LRRC37A2: variants seen among roughly 807,000 people sequenced by gnomAD.
LRRC37A2 encodes leucine rich repeat containing 37 member A2, also known as leucine-rich repeat-containing protein 37A2.
A neutral mutation model predicts 68.8 loss-of-function variants in LRRC37A2; 9 were observed. The observed-to-expected ratio is 0.13, with a 90% CI of 0.08 to 0.23. LRRC37A2 has a LOEUF of 0.23. Ranked by LOEUF, LRRC37A2 falls within the 10% of genes least tolerant of loss-of-function variation. The pLI is 1.00. For missense variants in LRRC37A2, 168 were observed against 950.4 expected, an observed-to-expected ratio of 0.18 and a Z score of 10.82; for synonymous variants, 63 against 367.6, an observed-to-expected ratio of 0.17 and a Z score of 9.48.
the LRRC37A2 span, among the ~76,000 whole-genome samples, chr17:46,891,385 A>C: frequency 6.6e-6 from 1 of 152,080 alleles, no homozygotes; most frequent in Non-Finnish European, 1.5e-5. Flanking sequence ...TCACAGATGG[A>C]AGATGACCCA....
the LRRC37A2 span, among the ~76,000 whole-genome samples, chr17:46,812,036 A>G: frequency 3.3e-5 from 5 of 152,058 alleles, no homozygotes; most frequent in Non-Finnish European, 2.9e-5. Context: ...CAGGGAGGAG[A>G]CCCAGTGCTC....
At chr17:46,889,834 A>G in the LRRC37A2 span, among the ~76,000 whole-genome samples, 1 of 152,154 alleles carries the variant, frequency 6.6e-6, no homozygotes, top group Non-Finnish European at 1.5e-5. Flanking sequence ...CAGGGCTGAC[A>G]TTCTTTATCG....
the LRRC37A2 span, among the ~76,000 whole-genome samples, chr17:47,003,894 C>T: frequency 3.9e-5 from 6 of 152,214 alleles, no homozygotes; most frequent in East Asian, 1.9e-4. Context: ...CAACAGGCCC[C>T]GGTGTGTGAT....
At chr17:46,866,343 G>T in the LRRC37A2 span, among the ~76,000 whole-genome samples, 5 of 152,186 alleles carry the variant, frequency 3.3e-5, no homozygotes, top group Middle Eastern at 6.8e-3. Context: ...AGGGGCTAGG[G>T]GTGTGTGAGA....
At chr17:46,754,558 A>G in the LRRC37A2 span, among the ~76,000 whole-genome samples, 2 of 152,246 alleles carry the variant, frequency 1.3e-5, no homozygotes, top group Non-Finnish European at 2.9e-5. Flanking sequence ...TGTTTTCTAG[A>G]TAACTTCATA....
chr17:46,788,418 G>C, the LRRC37A2 span, among the ~76,000 whole-genome samples: 1 of 152,150 alleles, frequency 6.6e-6, no homozygotes, highest in African/African-American at 2.4e-5. Context: ...GGACTTTGCT[G>C]GGTCCCCACA....
At chr17:46,891,716 T>C in the LRRC37A2 span, among the ~76,000 whole-genome samples, 1 of 152,292 alleles carries the variant, frequency 6.6e-6, no homozygotes, top group South Asian at 2.1e-4. Flanking sequence ...TCCTTGCATG[T>C]GGCCCAGTCT....
the LRRC37A2 span, chr17:46,755,219 T>A: frequency 2.3e-6 from 2 of 865,120 alleles, no homozygotes; most frequent in Non-Finnish European, 3.9e-6. Context: ...AGAGCATTGA[T>A]GAAGTGTGAA....
At chr17:46,973,353 G>A in the LRRC37A2 span, among the ~76,000 whole-genome samples, 23 of 151,772 alleles carry the variant, frequency 1.5e-4, no homozygotes, top group Non-Finnish European at 2.5e-4. Context: ...ATATAGATGG[G>A]GGTCCCACTG....
chr17:46,765,496 T>G, the LRRC37A2 span, among the ~76,000 whole-genome samples: 11 of 152,346 alleles, frequency 7.2e-5, no homozygotes, highest in Non-Finnish European at 1.5e-4. Context: ...TGACAGGCGC[T>G]CTCTCCTCAC....
chr17:46,765,986 G>C, the LRRC37A2 span, among the ~76,000 whole-genome samples: 2 of 152,212 alleles, frequency 1.3e-5, no homozygotes, highest in Non-Finnish European at 2.9e-5. Context: ...CCACAGAGAA[G>C]GGGTTCCGGG....
the LRRC37A2 span, among the ~76,000 whole-genome samples, chr17:46,900,162 CATATACATAT>C: frequency 0.21 from 21,264 of 100,200 alleles, 2,365 homozygotes; most frequent in Non-Finnish European, 0.26. Flanking sequence ...TATATATATA[CATATACATAT>C]ATATATATAT....
At chr17:46,826,445 C>A in the LRRC37A2 span, among the ~76,000 whole-genome samples, 3 of 152,238 alleles carry the variant, frequency 2.0e-5, no homozygotes, top group African/African-American at 7.2e-5. Context: ...CCCAGCAGGA[C>A]CCACCTCTTA....
At chr17:46,792,995 T>A in the LRRC37A2 span, among the ~76,000 whole-genome samples, 1 of 150,186 alleles carries the variant, frequency 6.7e-6, no homozygotes, top group African/African-American at 2.5e-5. Context: ...CTGAGGGAGG[T>A]GGCTCACACC....
At chr17:46,755,546 C>T in the LRRC37A2 span, 2 of 692,164 alleles carry the variant, frequency 2.9e-6, no homozygotes, top group Non-Finnish European at 4.9e-6. Flanking sequence ...GGTTTGCTCT[C>T]CCTGTCCTGC....
chr17:46,491,468 CAT>C, the LRRC37A2 span, among the ~76,000 whole-genome samples: 11 of 142,710 alleles, frequency 7.7e-5, no homozygotes, highest in Non-Finnish European at 1.2e-4. Flanking sequence ...AAACATGAAT[CAT>C]GTACACATCT....
chr17:46,950,791 A>G, the LRRC37A2 span, among the ~76,000 whole-genome samples: 1 of 152,192 alleles, frequency 6.6e-6, no homozygotes, highest in East Asian at 1.9e-4. Context: ...GATGAGATCA[A>G]AACTGTCCAG....
chr17:46,949,812 G>T, the LRRC37A2 span, among the ~76,000 whole-genome samples: 3 of 152,196 alleles, frequency 2.0e-5, no homozygotes. Flanking sequence ...TAGCAAAGGG[G>T]TGTGCTCTGG....
At chr17:46,802,199 GGCA>G in the LRRC37A2 span, among the ~76,000 whole-genome samples, 1 of 152,142 alleles carries the variant, frequency 6.6e-6, no homozygotes, top group Non-Finnish European at 1.5e-5. Flanking sequence ...GCAGCCCCTA[GGCA>G]GCTTCAAGAT....
Sources: gnomAD v4.1 joint callset for allele counts (sites outside exome capture counted in the v4.1 genomes callset) on GRCh38, gnomAD v4.1.1 for gene constraint, MANE v1.5 for transcripts, NCBI Gene and HGNC (gene_info 2026-07-23, HGNC 2026-07-21) for gene names.